The following CNTLN variants were observed in gnomAD, a reference collection of about 807,000 sequenced individuals.
CNTLN encodes centlein, also known as centlein, centrosomal protein.
In CNTLN, 212 loss-of-function variants were observed where a neutral mutation model predicts 180.0. That is an observed-to-expected ratio of 1.18 (90% CI 1.05 to 1.32). The LOEUF (loss-of-function observed/expected upper bound fraction) is 1.32. Ranked by LOEUF, CNTLN falls within the 40% of genes most tolerant of loss-of-function variation. The pLI, the probability that CNTLN is intolerant of heterozygous loss-of-function variation, is 0.00. For synonymous variants in CNTLN, 722 were observed against 563.1 expected (o/e 1.28, Z -3.99); for missense variants, 2,095 against 1,610.9 (o/e 1.30, Z -5.14).
At chr9:17,258,678 G>C (rs916179798) in intron 5 of CNTLN, among the ~76,000 whole-genome samples, 6 of 148,372 alleles carry the variant, frequency 4.0e-5, no homozygotes, top group Admixed American at 6.7e-5. Flanking sequence ...TCTCCTTGAA[G>C]AGGTCCTTCA....
intron 18 of CNTLN, among the ~76,000 whole-genome samples, chr9:17,437,770 T>C (rs1829863549): frequency 1.3e-5 from 2 of 152,152 alleles, no homozygotes; most frequent in South Asian, 4.1e-4. Context: ...GTTGAACATA[T>C]GTATAATAAT....
intron 13 of CNTLN, among the ~76,000 whole-genome samples, chr9:17,385,749 G>A (rs973249788): frequency 1.3e-5 from 2 of 152,058 alleles, no homozygotes; most frequent in Admixed American, 1.3e-4. Flanking sequence ...TATTTACATA[G>A]CATTTACATT....
intron 6 of CNTLN, among the ~76,000 whole-genome samples, chr9:17,281,555 C>T (rs754397865): frequency 1.8e-4 from 27 of 152,062 alleles, no homozygotes; most frequent in Non-Finnish European, 1.5e-4. Flanking sequence ...TGTGTTCCTG[C>T]GTTAGTTTGC....
intron 13 of CNTLN, among the ~76,000 whole-genome samples, chr9:17,387,063 A>G (rs1825736732): frequency 6.6e-6 from 1 of 152,154 alleles, no homozygotes; most frequent in Non-Finnish European, 1.5e-5. Flanking sequence ...ATACTGTTCT[A>G]ATTATTTCAT....
At chr9:17,355,661 G>GT (rs1221456405) in intron 12 of CNTLN, among the ~76,000 whole-genome samples, 1 of 152,152 alleles carries the variant, frequency 6.6e-6, no homozygotes, top group Non-Finnish European at 1.5e-5. Flanking sequence ...TTGATACTCA[G>GT]TTATCCCAAA....
intron 12 of CNTLN, 48 bp downstream of exon 12, chr9:17,342,492 A>G (rs1298197873): frequency 2.6e-6 from 4 of 1,509,602 alleles, no homozygotes; most frequent in Non-Finnish European, 3.6e-6. Flanking sequence ...TACTTGGGAG[A>G]AATTTTTTCA....
intron 3 of CNTLN, among the ~76,000 whole-genome samples, chr9:17,227,396 C>T (rs1824540487): frequency 6.6e-6 from 1 of 151,846 alleles, no homozygotes; most frequent in South Asian, 2.1e-4. Flanking sequence ...TGTGGTCATG[C>T]TTCCTGGAAC....
At chr9:17,178,770 C>G (rs1314221941) in intron 2 of CNTLN, among the ~76,000 whole-genome samples, 1 of 152,092 alleles carries the variant, frequency 6.6e-6, no homozygotes. Flanking sequence ...TCTCTCCCTC[C>G]ACACCTGCCT....
intron 18 of CNTLN, among the ~76,000 whole-genome samples, chr9:17,449,296 A>G (rs1031347388): frequency 1.4e-5 from 2 of 146,454 alleles, no homozygotes; most frequent in Non-Finnish European, 3.0e-5. Context: ...CAGTCCCCAG[A>G]GTGTGATGTT....
intron 15 of CNTLN, among the ~76,000 whole-genome samples, chr9:17,401,918 G>A (rs956923484): frequency 1.4e-5 from 1 of 70,236 alleles, no homozygotes; most frequent in Admixed American, 1.6e-4. Flanking sequence ...GAAGGTAAAG[G>A]ACTAATATCC....
In CNTLN at chr9:17,290,856, C is replaced by T. The variant is rs563930172; in HGVS notation, c.984-7334C>T. Among the ~76,000 whole-genome samples the T allele has an allele frequency of 1.6e-3, 243 of 152,214 alleles. 2 individuals carry two copies. The highest frequency in any genetic ancestry group is 2.0e-3 in the Non-Finnish European group (136 of 68,038). On this transcript the variant is annotated intron_variant, in intron 6 of 25. Coordinates refer to ENST00000380647, the MANE Select transcript of CNTLN (RefSeq NM_017738.4). ...CTTCCCAGGTGAGGCAATGCCTCGC[C>T]CTGCTTCGGCTCGCGCATGGTGCGT... is the stretch of plus-strand genomic sequence containing the variant.
chr9:17,182,306 G>C (rs1226813121), intron 2 of CNTLN, among the ~76,000 whole-genome samples: 2 of 152,042 alleles, frequency 1.3e-5, no homozygotes, highest in African/African-American at 4.8e-5. Context: ...GTACTTAGTG[G>C]TGTTTCTAGG....
chr9:17,491,627 A>G (rs966150946), intron 25 of CNTLN, among the ~76,000 whole-genome samples: 5 of 151,994 alleles, frequency 3.3e-5, no homozygotes, highest in African/African-American at 9.7e-5. Flanking sequence ...TCCACTTTGT[A>G]TAGATCATTT....
At chr9:17,420,344 A>G (rs186114991) in intron 18 of CNTLN, among the ~76,000 whole-genome samples, 2 of 152,308 alleles carry the variant, frequency 1.3e-5, no homozygotes, top group East Asian at 3.9e-4. Flanking sequence ...TTTCCAGATT[A>G]TTGGCATATA....
At chr9:17,235,197 ATAT>A (rs776948054) in intron 3 of CNTLN, among the ~76,000 whole-genome samples, 5 of 152,232 alleles carry the variant, frequency 3.3e-5, no homozygotes, top group Non-Finnish European at 7.3e-5. Flanking sequence ...ACAGAGCAAG[ATAT>A]TATTAGTACT....
chr9:17,421,876 T>G (rs1587951189), intron 18 of CNTLN, among the ~76,000 whole-genome samples: 1 of 152,192 alleles, frequency 6.6e-6, no homozygotes, highest in East Asian at 1.9e-4. Context: ...CATTTTAACT[T>G]GATCCAATCC....
At chr9:17,514,183 G>A in the CNTLN span, among the ~76,000 whole-genome samples, 1 of 150,334 alleles carries the variant, frequency 6.7e-6, no homozygotes, top group African/African-American at 2.4e-5. Context: ...AATGACACAT[G>A]CCTGTAGTCC....
intron 1 of CNTLN, among the ~76,000 whole-genome samples, chr9:17,138,335 A>G (rs1349497087): frequency 6.6e-6 from 1 of 152,206 alleles, no homozygotes; most frequent in Non-Finnish European, 1.5e-5. Flanking sequence ...AAAAATATTG[A>G]CTAAACCTAT....
intron 5 of CNTLN, among the ~76,000 whole-genome samples, chr9:17,249,551 A>G (rs901941092): frequency 5.9e-5 from 9 of 151,838 alleles, no homozygotes; most frequent in Non-Finnish European, 1.2e-4. Flanking sequence ...GTGTTTCACC[A>G]TGTTAGCCAG....
Sources: gnomAD v4.1 joint callset for allele counts (sites outside exome capture counted in the v4.1 genomes callset) on GRCh38, gnomAD v4.1.1 for gene constraint, MANE v1.5 for transcripts, NCBI Gene and HGNC (gene_info 2026-07-23, HGNC 2026-07-21) for gene names.